Variants in MAPK8 observed in about 807,000 individuals in gnomAD.
MAPK8 encodes mitogen-activated protein kinase 8.
MAPK8 carries 13 observed loss-of-function variants against 52.9 expected under a neutral mutation model. The ratio of observed to expected loss-of-function variants is 0.25; its 90% CI spans 0.16 to 0.39. The LOEUF is 0.39. Among genes scored for constraint, MAPK8 ranks in the 10% least tolerant of loss-of-function variants. The probability of loss-of-function intolerance (pLI) is 1.00; values close to 1 mark genes in which losing one functional copy is unlikely to be tolerated. For synonymous variants in MAPK8, 191 were observed against 169.8 expected (o/e 1.12, Z -0.97); for missense variants, 300 against 519.2 (o/e 0.58, Z 4.10).
intron 1 of MAPK8, among the ~76,000 whole-genome samples, chr10:48,357,956 A>G (rs983522899): frequency 2.0e-5 from 3 of 152,138 alleles, no homozygotes; most frequent in East Asian, 1.9e-4. Context: ...ATCATAGAAT[A>G]TGTACCTGGT....
At chr10:48,413,861 T>TATA (rs2042916865) in intron 5 of MAPK8, among the ~76,000 whole-genome samples, 3 of 54,510 alleles carry the variant, frequency 5.5e-5, no homozygotes, top group Non-Finnish European at 1.2e-4. Context: ...ATATATATAT[T>TATA]CAGAAATATT....
intron 1 of MAPK8, among the ~76,000 whole-genome samples, chr10:48,335,202 T>C (rs2132284972): frequency 6.6e-6 from 1 of 152,300 alleles, no homozygotes; most frequent in Non-Finnish European, 1.5e-5. Context: ...TTTCACCAGG[T>C]TTTCCTTTTT....
chr10:48,363,749 G>C (rs1230199601), intron 1 of MAPK8, among the ~76,000 whole-genome samples: 1 of 152,070 alleles, frequency 6.6e-6, no homozygotes, highest in Non-Finnish European at 1.5e-5. Context: ...ATTGATCCTT[G>C]CTTGCTTTGC....
intron 1 of MAPK8, among the ~76,000 whole-genome samples, chr10:48,352,560 A>G (rs1403095228): frequency 6.6e-6 from 1 of 152,214 alleles, no homozygotes; most frequent in Non-Finnish European, 1.5e-5. Flanking sequence ...GCATTTGACA[A>G]AATTCAATAC....
intron 1 of MAPK8, among the ~76,000 whole-genome samples, chr10:48,352,688 C>G (rs754760354): frequency 1.3e-5 from 2 of 152,124 alleles, no homozygotes; most frequent in Non-Finnish European, 2.9e-5. Flanking sequence ...ATGCTTTCCC[C>G]TTATGATTGG....
At position 48,325,534 on chromosome 10, in the gene MAPK8, T is replaced by C. The variant is rs565356551; in HGVS notation, c.-50+18713T>C. On this transcript the variant is annotated intron_variant, in intron 1 of 11. Transcript: ENST00000374189. ...TTCTTTTTAAAATAGTCTTCATTTGTAGAAGTTTTAGTTTTACAGAAAAAT... is the reference window on the plus strand; with the variant it reads ...TTCTTTTTAAAATAGTCTTCATTTGCAGAAGTTTTAGTTTTACAGAAAAAT... Among the ~76,000 whole-genome samples the C allele has an allele frequency of 4.6e-5, 7 of 152,338 alleles. No homozygotes were observed. The East Asian group carries it at 1.3e-3, about 29-fold the overall frequency.
intron 1 of MAPK8, among the ~76,000 whole-genome samples, chr10:48,376,939 C>T (rs1043933325): frequency 6.6e-6 from 1 of 152,044 alleles, no homozygotes; most frequent in African/African-American, 2.4e-5. Context: ...GTGTCACTGT[C>T]CACAATAGCA....
chr10:48,410,194 CT>C, intron 5 of MAPK8, 26 bp downstream of exon 5: 1 of 1,461,728 alleles, frequency 6.8e-7, no homozygotes. Flanking sequence ...TATCGTCATA[CT>C]CTTTGTTTTC....
At chr10:48,376,088 G>A (rs1441549617) in intron 1 of MAPK8, among the ~76,000 whole-genome samples, 5 of 151,928 alleles carry the variant, frequency 3.3e-5, no homozygotes, top group East Asian at 1.9e-4. Flanking sequence ...AACACCACAC[G>A]TCTACAACCA....
intron 3 of MAPK8, among the ~76,000 whole-genome samples, chr10:48,407,702 A>T (rs2042545896): frequency 6.6e-6 from 1 of 152,172 alleles, no homozygotes; most frequent in Admixed American, 6.5e-5. Flanking sequence ...CCATCACTAC[A>T]GTCAGTTCTA....
rs187287119 is a variant in MAPK8 at position 48,351,153 on chromosome 10, G to A, written c.-50+44332G>A. On this transcript the variant is annotated intron_variant, in intron 1 of 11. Coordinates refer to ENST00000374189, the MANE Select transcript of MAPK8 (RefSeq NM_001323329.2). Reference sequence around the variant, plus strand: ...AAATGGAAAAACATTCCATGCTTATGGATAGAAGAATCAATATCATGAAAA... The same window carrying A: ...AAATGGAAAAACATTCCATGCTTATAGATAGAAGAATCAATATCATGAAAA... Among the ~76,000 whole-genome samples the A allele has an allele frequency of 2.3e-3, 356 of 152,010 alleles. 3 individuals are homozygous for A. Among genetic ancestry groups the A allele is most frequent in the Non-Finnish European group, 3.9e-3 (265 of 67,996 alleles).
In MAPK8 at chr10:48,426,560, CAGTT is replaced by C. The variant is rs371000914; in HGVS notation, c.996+59_996+62del. The C allele has an allele frequency of 1.2e-3, 1,854 of 1,519,858 alleles. 20 individuals are homozygous for C. The African/African-American group carries it at 0.02, about 16-fold the overall frequency. 94.1% of individuals were successfully genotyped at this position (1,519,858 alleles called of 1,614,324 possible). A position where few individuals can be genotyped will look rare whatever the true frequency, so the allele number is the denominator to read the frequency against. On this transcript the variant is annotated intron_variant, in intron 9 of 11. Transcript: ENST00000374189. Reference sequence around the variant, plus strand: ...TATTGCATTCTTAGAGTTAGAATGACAGTTAGGTTTGGAGGAGACCTTTTAATTT... The same window carrying C: ...TATTGCATTCTTAGAGTTAGAATGACAGGTTTGGAGGAGACCTTTTAATTT...
intron 7 of MAPK8, chr10:48,424,442 A>G (rs2043549885): frequency 7.9e-6 from 8 of 1,016,514 alleles, no homozygotes; most frequent in African/African-American, 1.7e-5. Flanking sequence ...GGTGTGTGTG[A>G]TTTTATTTCT....
chr10:48,371,034 C>T lies in MAPK8; in HGVS notation c.-49-30578C>T, dbSNP rs1047731533. 4.6e-5 allele frequency among the ~76,000 whole-genome samples: 7 copies of T among 151,926 alleles called. 1 individual carries two copies. The highest frequency in any genetic ancestry group is 4.1e-4 in the South Asian group (2 of 4,820). ...TGAAAGGGTTGACCAAGCAGATCAC[C>T]GGATTTGTGAGTGGCTTTCCAGAGG... On this transcript the variant is annotated intron_variant, in intron 1 of 11. Transcript: ENST00000374189.
Position 48,411,959 on chromosome 10 carries a change from C to T in MAPK8, c.450+1791C>T, listed in dbSNP as rs1487174012. ...TCCTGGGTTCAAACAATTCTCCTGC[C>T]GCAGCCTCCCAAGTAGCTGGGATTA... On this transcript the variant is annotated intron_variant, in intron 5 of 11. Transcript: ENST00000374189. 7.9e-5 allele frequency among the ~76,000 whole-genome samples: 12 copies of T among 151,760 alleles called. No individual in the cohort carries two copies. The South Asian group carries it at 8.3e-4, about 11-fold the overall frequency.
intron 10 of MAPK8, among the ~76,000 whole-genome samples, chr10:48,428,366 C>G (rs559454588): frequency 6.6e-6 from 1 of 152,120 alleles, no homozygotes; most frequent in Admixed American, 6.5e-5. Context: ...AATCACTCCC[C>G]CTTCATCTCA....
chr10:48,327,184 A>G (rs1255628590), intron 1 of MAPK8, among the ~76,000 whole-genome samples: 1 of 152,148 alleles, frequency 6.6e-6, no homozygotes, highest in East Asian at 1.9e-4. Context: ...ACCATTAAGT[A>G]CTATGTTCAC....
At chr10:48,339,359 G>A (rs2132320049) in intron 1 of MAPK8, among the ~76,000 whole-genome samples, 1 of 152,230 alleles carries the variant, frequency 6.6e-6, no homozygotes, top group Admixed American at 6.5e-5. Flanking sequence ...TCAATAAATG[G>A]TGCTGGGAAA....
rs3730159 is a variant in MAPK8, at chr10:48,420,380, G to T, written c.616+60G>T. The T allele has an allele frequency of 4.4e-3, 6,244 of 1,406,670 alleles. 244 individuals carry two copies. The African/African-American group carries it at 0.08, about 18-fold the overall frequency. The allele number at this position is 1,406,670 out of a possible 1,614,324, so 87.1% of individuals were successfully genotyped here. On this transcript the variant is annotated intron_variant, in intron 6 of 11. Transcript: ENST00000374189. ...ATTTAGCTTTTTTCTTTATTCAGTA[G>T]ATTTTTAATGTAAATACTTAAGCAG...
Sources: allele counts gnomAD v4.1 joint callset (sites outside exome capture counted in the v4.1 genomes callset), GRCh38; gene constraint gnomAD v4.1.1; transcripts MANE v1.5; gene names NCBI Gene and HGNC (gene_info 2026-07-23, HGNC 2026-07-21).